The following SPINK1 variants were observed in gnomAD, a reference collection of about 807,000 sequenced individuals.
SPINK1 encodes serine peptidase inhibitor Kazal type 1, also known as serine protease inhibitor Kazal-type 1.
Under a neutral mutation model 9.5 loss-of-function variants are expected in SPINK1, and 5 were observed. That is an observed-to-expected ratio of 0.52 (90% CI 0.27 to 1.10). The LOEUF is 1.10. Among genes scored for constraint, SPINK1 ranks in the 50% least tolerant of loss-of-function variants. The pLI is 0.11. For synonymous variants in SPINK1, 37 were observed against 32.3 expected, an observed-to-expected ratio of 1.14 and a Z score of -0.49; for missense variants, 88 against 92.7, an observed-to-expected ratio of 0.95 and a Z score of 0.21.
At chr5:147,831,352 T>C (rs1371324061) in intron 1 of SPINK1, among the ~76,000 whole-genome samples, 171 bp downstream of exon 1, 1 of 152,206 alleles carries the variant, frequency 6.6e-6, no homozygotes, top group African/African-American at 2.4e-5. Flanking sequence ...TTATAGTAGG[T>C]TAAAAATTCC....
upstream of SPINK1, among the ~76,000 whole-genome samples, chr5:147,835,893 G>A (rs1756586852): frequency 6.6e-6 from 1 of 151,990 alleles, no homozygotes; most frequent in Non-Finnish European, 1.5e-5. Flanking sequence ...GGAACTTCAT[G>A]GCTTTTCATA....
upstream of SPINK1, among the ~76,000 whole-genome samples, chr5:147,835,596 T>G (rs951141591): frequency 2.0e-5 from 3 of 152,120 alleles, no homozygotes; most frequent in Non-Finnish European, 2.9e-5. Flanking sequence ...AAACATATTA[T>G]GACCTACTCC....
At chr5:147,830,146 TC>T (rs1284944529) in intron 1 of SPINK1, among the ~76,000 whole-genome samples, 2 of 152,324 alleles carry the variant, frequency 1.3e-5, no homozygotes, top group East Asian at 3.9e-4. Context: ...ACATTTAAAT[TC>T]CCTTTTGTAA....
At chr5:147,827,890 TAAGA>T (rs1029616783) in intron 3 of SPINK1, 128 bp downstream of exon 3, 3 of 655,366 alleles carry the variant, frequency 4.6e-6, no homozygotes, top group African/African-American at 3.7e-5. Flanking sequence ...AAAGGGAGAA[TAAGA>T]AAGAGATAAC....
chr5:147,833,877 G>T (rs964542285), upstream of SPINK1, among the ~76,000 whole-genome samples: 6 of 152,042 alleles, frequency 3.9e-5, no homozygotes, highest in East Asian at 7.7e-4. Flanking sequence ...ATTCTTCCTT[G>T]CTCAATCTGG....
At chr5:147,838,277 G>T in the SPINK1 span, among the ~76,000 whole-genome samples, 1 of 152,266 alleles carries the variant, frequency 6.6e-6, no homozygotes, top group Non-Finnish European at 1.5e-5. Context: ...AATCAAAGAA[G>T]AATTCTGTAG....
intron 3 of SPINK1, 59 bp from the exon 4 acceptor site, chr5:147,824,765 A>G: frequency 5.3e-6 from 8 of 1,505,238 alleles, no homozygotes; most frequent in Non-Finnish European, 7.4e-6. Flanking sequence ...AAAAGTGACT[A>G]TGGGAGAAAA....
In SPINK1 at chr5:147,824,638, A is replaced by T. The variant is rs372615240; in HGVS notation, c.*23T>A. The T allele has an allele frequency of 2.5e-6, 4 of 1,613,496 alleles. No individual in the cohort carries two copies. Among genetic ancestry groups the T allele is most frequent in the Admixed American group, 3.3e-5 (2 of 59,998 alleles). On this transcript the variant is annotated 3_prime_UTR_variant, in exon 4 of 4. Transcript: ENST00000296695. ...GCCAGTCAGGCCTCGCGGTGACCTG[A>T]TGGGATTTCAAAACCTTGGTTCTCA...
At chr5:147,824,803 A>ATTTTTAATG (rs1249895207) in intron 3 of SPINK1, 97 bp from the exon 4 acceptor site, 2 of 1,083,884 alleles carry the variant, frequency 1.8e-6, no homozygotes, top group East Asian at 4.8e-5. Flanking sequence ...AGCTTCATTT[A>ATTTTTAATG]AAGTTGGAGA....
chr5:147,836,463 C>G (rs956736981), upstream of SPINK1, among the ~76,000 whole-genome samples: 4 of 152,092 alleles, frequency 2.6e-5, no homozygotes, highest in Admixed American at 6.6e-5. Flanking sequence ...TCTGTTACAG[C>G]ACTTTAAACT....
chr5:147,834,275 A>T (rs1756558072), upstream of SPINK1, among the ~76,000 whole-genome samples: 1 of 152,202 alleles, frequency 6.6e-6, no homozygotes, highest in Non-Finnish European at 1.5e-5. Flanking sequence ...TATATTTCTG[A>T]AGACCAAGGT....
chr5:147,832,832 C>T (rs1473562398), upstream of SPINK1, among the ~76,000 whole-genome samples: 4 of 152,154 alleles, frequency 2.6e-5, no homozygotes, highest in Admixed American at 6.6e-5. Context: ...ATCTCAAACC[C>T]TTCCCAAGTC....
At chr5:147,838,826 C>A in the SPINK1 span, among the ~76,000 whole-genome samples, 1 of 152,032 alleles carries the variant, frequency 6.6e-6, no homozygotes, top group Non-Finnish European at 1.5e-5. Flanking sequence ...TATTCATCTT[C>A]CATCACTCTA....
intron 1 of SPINK1, among the ~76,000 whole-genome samples, chr5:147,830,270 C>T (rs1756485861): frequency 6.6e-6 from 1 of 152,138 alleles, no homozygotes; most frequent in Non-Finnish European, 1.5e-5. Context: ...GTTGAATTTA[C>T]AGGTAGTCAA....
chr5:147,837,308 A>T, the SPINK1 span, among the ~76,000 whole-genome samples: 1 of 152,184 alleles, frequency 6.6e-6, no homozygotes, highest in Non-Finnish European at 1.5e-5. Context: ...TGAGTTACAA[A>T]ATGAAACAAA....
upstream of SPINK1, chr5:147,831,919 G>A (rs1418168390): frequency 3.7e-6 from 3 of 819,070 alleles, no homozygotes; most frequent in African/African-American, 3.5e-5. Context: ...TTTCTCACCT[G>A]TAAGATGAAC....
upstream of SPINK1, among the ~76,000 whole-genome samples, chr5:147,833,494 A>G (rs1756544156): frequency 6.6e-6 from 1 of 152,096 alleles, no homozygotes; most frequent in Non-Finnish European, 1.5e-5. Flanking sequence ...CTCAAGCCCA[A>G]ACCTCGTTGT....
upstream of SPINK1, among the ~76,000 whole-genome samples, chr5:147,832,923 CT>C (rs1445379773): frequency 2.6e-5 from 4 of 152,062 alleles, no homozygotes; most frequent in East Asian, 7.7e-4. Flanking sequence ...CTTCCATTGC[CT>C]TTTTGTTGAG....
At chr5:147,837,699 T>TTCTTTCTTTCTTTCTTTCTC in the SPINK1 span, among the ~76,000 whole-genome samples, 1 of 149,842 alleles carries the variant, frequency 6.7e-6, no homozygotes, top group Non-Finnish European at 1.5e-5. Context: ...CTTTCTTTCT[T>TTCTTTCTTTCTTTCTTTCTC]TCTTTCTTTC....
Sources: allele counts gnomAD v4.1 joint callset (sites outside exome capture counted in the v4.1 genomes callset), GRCh38; gene constraint gnomAD v4.1.1; transcripts MANE v1.5; gene names NCBI Gene and HGNC (gene_info 2026-07-23, HGNC 2026-07-21).